MCPH1: variants seen among roughly 807,000 people sequenced by gnomAD.
MCPH1 encodes the protein microcephalin.
Under a neutral mutation model 84.5 loss-of-function variants are expected in MCPH1, and 104 were observed. That is an observed-to-expected ratio of 1.23 (90% CI 1.05 to 1.45). MCPH1 has a LOEUF of 1.45. Among genes scored for constraint, MCPH1 ranks in the 40% most tolerant of loss-of-function variants. The pLI is 0.00. For missense variants in MCPH1, 1,498 were observed against 1,005.7 expected, an observed-to-expected ratio of 1.49 and a Z score of -6.62; for synonymous variants, 514 against 366.8, an observed-to-expected ratio of 1.40 and a Z score of -4.58.
chr8:6,486,428 TTTTA>T lies in MCPH1; in HGVS notation c.2136+5556_2136+5559del, dbSNP rs376817014. 2.9e-3 allele frequency among the ~76,000 whole-genome samples: 445 copies of T among 152,284 alleles called. 1 individual carries two copies. The highest frequency in any genetic ancestry group is 0.01 in the African/African-American group (428 of 41,542). ...CCAAGAAAAACACTGCTGAGCATGT[TTTTA>T]TTTCAGGGTTTGTGTGGTATTCTCT... On this transcript the variant is annotated intron_variant, in intron 11 of 13. Transcript: ENST00000344683.
intron 8 of MCPH1, chr8:6,445,825 T>C (rs1585819311): frequency 8.6e-7 from 1 of 1,168,426 alleles, no homozygotes; most frequent in East Asian, 4.6e-5. Flanking sequence ...GTCCATAGTA[T>C]GAATAACTGA....
At chr8:6,552,114 C>A (rs936299692) in intron 12 of MCPH1, among the ~76,000 whole-genome samples, 3 of 152,164 alleles carry the variant, frequency 2.0e-5, no homozygotes, top group Admixed American at 2.0e-4. Context: ...AATTCTGAAT[C>A]TTTTCTACTA....
intron 12 of MCPH1, among the ~76,000 whole-genome samples, chr8:6,546,947 C>A (rs1376733572): frequency 6.6e-6 from 1 of 152,218 alleles, no homozygotes; most frequent in Admixed American, 6.5e-5. Flanking sequence ...AGCCATGTTC[C>A]TTGCAAGCTG....
At chr8:6,496,065 T>G (rs1257970334) in intron 11 of MCPH1, among the ~76,000 whole-genome samples, 2 of 152,192 alleles carry the variant, frequency 1.3e-5, no homozygotes, top group African/African-American at 4.8e-5. Flanking sequence ...ATTGTACACT[T>G]TATTTCTATT....
At chr8:6,443,156 A>G (rs1052567670) in intron 7 of MCPH1, among the ~76,000 whole-genome samples, 1 of 152,200 alleles carries the variant, frequency 6.6e-6, no homozygotes, top group Non-Finnish European at 1.5e-5. Context: ...TTGCCAGTGA[A>G]AAACCAGGAC....
Position 6,647,918 on chromosome 8 carries a change from A to G in MCPH1, c.*4869A>G. On this transcript the variant is annotated 3_prime_UTR_variant, in exon 14 of 14. Transcript: ENST00000344683. ...ATGTGAATTATACACCAATAAAGCT[A>G]TTTTTTTTAAAAAAAAGAGAGAGAG... The G allele has an allele frequency of 7.5e-6, 1 of 133,114 alleles. No homozygotes were observed. The highest frequency in any genetic ancestry group is 1.9e-4 in the East Asian group (1 of 5,164). The allele number at this position is 133,114 out of a possible 1,614,324, so 8.2% of individuals were successfully genotyped here.
At chr8:6,546,763 G>A (rs567046579) in intron 12 of MCPH1, among the ~76,000 whole-genome samples, 38 of 152,258 alleles carry the variant, frequency 2.5e-4, no homozygotes, top group South Asian at 4.1e-4. Flanking sequence ...TAAACTCAAC[G>A]TACCCTCTTC....
intron 12 of MCPH1, chr8:6,563,027 C>CG: frequency 7.2e-7 from 1 of 1,383,136 alleles, no homozygotes; most frequent in Non-Finnish European, 9.7e-7. Flanking sequence ...CGCAGGGCTG[C>CG]TACGCTGCCA....
intron 5 of MCPH1, among the ~76,000 whole-genome samples, chr8:6,436,631 A>G (rs997278269): frequency 3.6e-4 from 54 of 151,120 alleles, no homozygotes; most frequent in Non-Finnish European, 7.2e-4. Flanking sequence ...AAAAAAATAT[A>G]TGTATTCTTA....
intron 12 of MCPH1, among the ~76,000 whole-genome samples, chr8:6,525,508 G>C (rs1818173647): frequency 6.6e-6 from 1 of 152,172 alleles, no homozygotes; most frequent in Non-Finnish European, 1.5e-5. Context: ...GGGATTATAG[G>C]CATGAGCCAC....
At chr8:6,623,681 C>A in intron 13 of MCPH1, among the ~76,000 whole-genome samples, 3 of 88,338 alleles carry the variant, frequency 3.4e-5, no homozygotes, top group Admixed American at 1.7e-4. Context: ...GCCTGGAAAC[C>A]AACTTCCAAA....
intron 12 of MCPH1, among the ~76,000 whole-genome samples, chr8:6,570,539 C>T (rs902025347): frequency 6.6e-6 from 1 of 152,190 alleles, no homozygotes; most frequent in Non-Finnish European, 1.5e-5. Context: ...AGGACGCGGG[C>T]CTCCACAGCC....
At chr8:6,407,360 A>T (rs942214007) in intron 1 of MCPH1, among the ~76,000 whole-genome samples, 1 of 152,008 alleles carries the variant, frequency 6.6e-6, no homozygotes, top group East Asian at 1.9e-4. Context: ...ATATCATTTT[A>T]CAGGCAGAAA....
chr8:6,626,893 G>C, intron 13 of MCPH1: 4 of 984,740 alleles, frequency 4.1e-6, no homozygotes, highest in Non-Finnish European at 4.8e-6. Flanking sequence ...CCACTCTCAG[G>C]CGCCCTTTTA....
intron 9 of MCPH1, among the ~76,000 whole-genome samples, chr8:6,470,628 T>C (rs1407073642): frequency 1.3e-5 from 2 of 152,240 alleles, no homozygotes; most frequent in Admixed American, 1.3e-4. Context: ...GATACATGCT[T>C]TATGCTTTTG....
chr8:6,586,376 C>T (rs554421441), intron 12 of MCPH1, among the ~76,000 whole-genome samples: 1 of 152,320 alleles, frequency 6.6e-6, no homozygotes, highest in East Asian at 1.9e-4. Context: ...TCTTACCTGC[C>T]CCACCTTTAA....
At chr8:6,441,423 A>G (rs987259736) in intron 6 of MCPH1, among the ~76,000 whole-genome samples, 18 of 152,304 alleles carry the variant, frequency 1.2e-4, no homozygotes, top group Non-Finnish European at 1.2e-4. Flanking sequence ...TTTTCTCAGA[A>G]AAGTATCCTT....
At chr8:6,602,984 C>CGT (rs139143848) in intron 12 of MCPH1, among the ~76,000 whole-genome samples, 10 of 150,828 alleles carry the variant, frequency 6.6e-5, no homozygotes, top group Non-Finnish European at 1.2e-4. Flanking sequence ...AGTGTGCATC[C>CGT]GTGTGTGTGT....
intron 12 of MCPH1, among the ~76,000 whole-genome samples, chr8:6,595,381 A>T (rs764881280): frequency 4.1e-4 from 62 of 152,314 alleles, no homozygotes; most frequent in Middle Eastern, 6.8e-3. Flanking sequence ...ACAGCGCTAA[A>T]CTGTCCCATT....
Sources: gnomAD v4.1 joint callset for allele counts (sites outside exome capture counted in the v4.1 genomes callset) on GRCh38, gnomAD v4.1.1 for gene constraint, MANE v1.5 for transcripts, NCBI Gene and HGNC (gene_info 2026-07-23, HGNC 2026-07-21) for gene names.